The following BRI3 variants were observed in gnomAD, a reference collection of about 807,000 sequenced individuals.
BRI3 encodes brain protein I3.
A neutral mutation model predicts 12.8 loss-of-function variants in BRI3; 6 were observed. The observed-to-expected ratio is 0.47, with a 90% CI of 0.26 to 0.93. BRI3 has a LOEUF of 0.93. Among genes scored for constraint, BRI3 ranks in the 40% least tolerant of loss-of-function variants. BRI3 has a pLI of 0.15. For synonymous variants in BRI3, 91 were observed against 76.1 expected, an observed-to-expected ratio of 1.20 and a Z score of -1.02; for missense variants, 134 against 171.1, an observed-to-expected ratio of 0.78 and a Z score of 1.21.
At chr7:98,287,075 C>T (rs1005804629) in intron 2 of BRI3, among the ~76,000 whole-genome samples, 1 of 152,220 alleles carries the variant, frequency 6.6e-6, no homozygotes, top group East Asian at 1.9e-4. Flanking sequence ...CCCAAGTGCT[C>T]GTTCTCCCGG....
downstream of BRI3, chr7:98,291,558 A>G: frequency 1.8e-6 from 2 of 1,142,236 alleles, no homozygotes; most frequent in Non-Finnish European, 2.2e-6. Context: ...GTGCTTTCAG[A>G]GACCCAGGAA....
downstream of BRI3, chr7:98,294,023 C>G (rs995205332): frequency 6.3e-7 from 1 of 1,599,256 alleles, no homozygotes; most frequent in South Asian, 1.1e-5. Context: ...GGGGACACTA[C>G]AGGGAAGAGC....
rs575359321 is a variant in BRI3 at position 98,282,191 on chromosome 7, G to T, written c.143-160G>T. On this transcript the variant is annotated intron_variant, in intron 1 of 2. Coordinates refer to ENST00000297290, the MANE Select transcript of BRI3 (RefSeq NM_015379.5). Reference sequence around the variant, plus strand: ...TTGTGTCACGAGGCGCTCGCTGTTGGCAGATTAGCGCCGAATCAGGCCCGC... The same window carrying T: ...TTGTGTCACGAGGCGCTCGCTGTTGTCAGATTAGCGCCGAATCAGGCCCGC... 5.3e-5 allele frequency among the ~76,000 whole-genome samples: 8 copies of T among 152,356 alleles called. No homozygotes were observed. The East Asian group carries it at 1.5e-3, about 29-fold the overall frequency.
At chr7:98,293,125 A>G, downstream of BRI3, 1 of 386,404 alleles carries the variant, frequency 2.6e-6, no homozygotes, top group Non-Finnish European at 3.8e-6. Flanking sequence ...TTAAGAGCAC[A>G]TGCTTTATAA....
chr7:98,320,318 T>C, the BRI3 span: 21 of 1,554,170 alleles, frequency 1.4e-5, no homozygotes, highest in Admixed American at 3.9e-5. Flanking sequence ...AAACCAGATA[T>C]GTTAGCGGGA....
the BRI3 span, among the ~76,000 whole-genome samples, chr7:98,319,632 C>T: frequency 2.0e-5 from 3 of 151,568 alleles, 1 homozygote; most frequent in Non-Finnish European, 1.5e-5. Flanking sequence ...CTGCAACCTC[C>T]GCCTCCCCGG....
the BRI3 span, among the ~76,000 whole-genome samples, chr7:98,317,829 C>A: frequency 6.6e-6 from 1 of 151,788 alleles, no homozygotes; most frequent in African/African-American, 2.4e-5. Flanking sequence ...CTGGGACTGT[C>A]ACCCCGTAGT....
downstream of BRI3, chr7:98,312,267 G>A (rs118011886): frequency 4.4e-3 from 7,035 of 1,598,594 alleles, 22 homozygotes; most frequent in Non-Finnish European, 5.5e-3. Flanking sequence ...TCTGCAGACT[G>A]CAAAGCCAAA....
At chr7:98,301,344 G>C (rs78527510) in intron 1 of BRI3, among the ~76,000 whole-genome samples, 218 of 152,276 alleles carry the variant, frequency 1.4e-3, no homozygotes, top group African/African-American at 5.1e-3. Context: ...AATGACAACT[G>C]AAATGATTAG....
chr7:98,317,433 C>T, the BRI3 span: 1 of 1,557,744 alleles, frequency 6.4e-7, no homozygotes. Flanking sequence ...ACTCACACTT[C>T]CACTGTGTGT....
At chr7:98,283,706 C>G (rs1019896183) in intron 2 of BRI3, among the ~76,000 whole-genome samples, 17 of 152,182 alleles carry the variant, frequency 1.1e-4, no homozygotes, top group Non-Finnish European at 2.5e-4. Flanking sequence ...CCTGCCATCC[C>G]GGTGTCCAGC....
intron 2 of BRI3, among the ~76,000 whole-genome samples, chr7:98,290,247 C>G (rs1338271975): frequency 4.5e-5 from 6 of 133,634 alleles, no homozygotes; most frequent in African/African-American, 1.2e-4. Flanking sequence ...GGACTGTGGA[C>G]TGCAGTGGCA....
downstream of BRI3, among the ~76,000 whole-genome samples, chr7:98,296,375 C>T (rs1427858936): frequency 6.6e-6 from 1 of 152,200 alleles, no homozygotes; most frequent in African/African-American, 2.4e-5. Context: ...CCTGTAATCC[C>T]AGCACTTTGG....
chr7:98,304,865 ATTTT>A (rs11423233), upstream of BRI3, among the ~76,000 whole-genome samples: 5 of 136,318 alleles, frequency 3.7e-5, no homozygotes, highest in Non-Finnish European at 6.2e-5. Flanking sequence ...CTCACAAGAA[ATTTT>A]TTTTTTTTTT....
downstream of BRI3, chr7:98,293,694 C>CAA: frequency 2.5e-6 from 3 of 1,183,820 alleles, no homozygotes; most frequent in South Asian, 1.2e-5. Flanking sequence ...TGAGACTGGG[C>CAA]GGCTGACCAC....
chr7:98,295,791 C>T (rs941602335), downstream of BRI3, among the ~76,000 whole-genome samples: 6 of 152,154 alleles, frequency 3.9e-5, 1 homozygote, highest in African/African-American at 1.4e-4. Context: ...TTGTTCAGAG[C>T]CTCCTGGGCC....
downstream of BRI3, chr7:98,292,670 C>G (rs780016964): frequency 1.2e-5 from 19 of 1,551,656 alleles, no homozygotes; most frequent in South Asian, 2.3e-4. Context: ...TTACACGTAT[C>G]CTTTGAGAGT....
chr7:98,297,431 T>TTTTTTAAAC, downstream of BRI3, among the ~76,000 whole-genome samples: 1 of 152,142 alleles, frequency 6.6e-6, no homozygotes, highest in East Asian at 1.9e-4. Context: ...CTGGTGGCCC[T>TTTTTTAAAC]CACTGCAGAG....
chr7:98,310,704 T>TTTA (rs1241140771), downstream of BRI3: 16 of 489,672 alleles, frequency 3.3e-5, no homozygotes, highest in African/African-American at 2.4e-4. Flanking sequence ...TTATTTATTT[T>TTTA]GAGACAGAGT....
Sources: gnomAD v4.1 joint callset for allele counts (sites outside exome capture counted in the v4.1 genomes callset) on GRCh38, gnomAD v4.1.1 for gene constraint, MANE v1.5 for transcripts, NCBI Gene and HGNC (gene_info 2026-07-23, HGNC 2026-07-21) for gene names.